Variants in NUDT21 observed in about 807,000 individuals in gnomAD.
NUDT21 encodes the protein cleavage and polyadenylation specificity factor subunit 5.
In NUDT21, 5 loss-of-function variants were observed where a neutral mutation model predicts 29.8. The ratio of observed to expected loss-of-function variants is 0.17; its 90% CI spans 0.09 to 0.35. The LOEUF (loss-of-function observed/expected upper bound fraction) is 0.35. Among genes scored for constraint, NUDT21 ranks in the 10% least tolerant of loss-of-function variants. The pLI is 1.00. For missense variants in NUDT21, 76 were observed against 276.0 expected (o/e 0.28, Z 5.13); for synonymous variants, 113 against 98.5 (o/e 1.15, Z -0.87).
rs1962042540 is a variant in NUDT21 at position 56,432,256 on chromosome 16, T to C, written c.*456A>G. On this transcript the variant is annotated 3_prime_UTR_variant, in exon 7 of 7. Coordinates refer to ENST00000300291, the MANE Select transcript of NUDT21 (RefSeq NM_007006.3). ...GGACTCACTCAGATAAATATAGTTTTCAGAAGTAATGGAAGCTCTTCATCA... is the reference window on the plus strand; with the variant it reads ...GGACTCACTCAGATAAATATAGTTTCCAGAAGTAATGGAAGCTCTTCATCA... 6.5e-6 allele frequency: 1 copy of C among 154,524 alleles called. No homozygotes were observed. The highest frequency in any genetic ancestry group is 1.9e-4 in the East Asian group (1 of 5,250). 9.6% of individuals were successfully genotyped at this position (154,524 alleles called of 1,614,324 possible). A position where few individuals can be genotyped will look rare whatever the true frequency, so the allele number is the denominator to read the frequency against.
chr16:56,433,748 C>T (rs1207743991), intron 6 of NUDT21, among the ~76,000 whole-genome samples: 10 of 152,052 alleles, frequency 6.6e-5, no homozygotes, highest in Admixed American at 1.3e-4. Flanking sequence ...AGTGCAGTAG[C>T]GTGATCTCAG....
intron 2 of NUDT21, 72 bp downstream of exon 2, chr16:56,447,717 T>G: frequency 7.3e-7 from 1 of 1,366,494 alleles, no homozygotes; most frequent in Non-Finnish European, 1.0e-6. Flanking sequence ...AGGGCTAAAA[T>G]TGTATTCCAG....
At chr16:56,446,747 AAC>A in intron 2 of NUDT21, 58 bp from the exon 3 acceptor site, 1 of 1,037,016 alleles carries the variant, frequency 9.6e-7, no homozygotes, top group Non-Finnish European at 1.5e-6. Context: ...GATAACAAAT[AAC>A]ACAATAATTG....
chr16:56,435,619 G>A (rs1262964837), intron 4 of NUDT21, among the ~76,000 whole-genome samples: 4 of 145,964 alleles, frequency 2.7e-5, no homozygotes, highest in African/African-American at 7.5e-5. Context: ...CCAGCTACTC[G>A]GGAGGCTGAG....
In NUDT21 at chr16:56,447,910, G is replaced by A; in HGVS notation, c.196C>T (p.Arg66Cys). 6.2e-7 allele frequency: 1 copy of A among 1,613,994 alleles called. No homozygotes were observed. The highest frequency in any genetic ancestry group is 8.5e-7 in the Non-Finnish European group (1 of 1,179,950). ...KDSSVAARFQ[R>C]MREEFDKIGM... ...ATTTTATCAAATTCTTCCCTCATGC[G>A]CTGAAATCTGGCTGCAACAGAGCTG... is the stretch of plus-strand genomic sequence containing the variant. The change falls in exon 2 of 7, where the codon CGC (arginine) becomes TGC (cysteine). Residue 66 changes from arginine to cysteine, a missense_variant. Physicochemically the swap from Arg to Cys is radical, Grantham distance 180. Around this residue, in one of 5 missense-constraint regions of NUDT21, gnomAD observed 27 missense variants for 149.5 expected, o/e 0.18. Transcript: ENST00000300291.
At chr16:56,447,684 G>GT in intron 2 of NUDT21, 105 bp downstream of exon 2, 1 of 924,768 alleles carries the variant, frequency 1.1e-6, no homozygotes. Context: ...ATTAACAGCA[G>GT]TGTTTGTTGA....
rs185967919 is a variant in NUDT21 at position 56,429,704 on chromosome 16, C to T, written c.*3008G>A. ...CAAATCTTATGCTACAGAAAGCTGA[C>T]TTATACTACAGTCAACAACCACTAA... On this transcript the variant is annotated 3_prime_UTR_variant, in exon 7 of 7. Coordinates refer to ENST00000300291, the MANE Select transcript of NUDT21 (RefSeq NM_007006.3). 16 of 152,316 alleles carry T rather than the reference C, an allele frequency of 1.1e-4. No homozygotes were observed. Among genetic ancestry groups the T allele is most frequent in the Admixed American group, 7.2e-4 (11 of 15,304 alleles). 9.4% of individuals were successfully genotyped at this position (152,316 alleles called of 1,614,324 possible).
At chr16:56,435,506 C>G (rs1962087046) in intron 4 of NUDT21, among the ~76,000 whole-genome samples, 2 of 150,816 alleles carry the variant, frequency 1.3e-5, no homozygotes, top group African/African-American at 4.9e-5. Context: ...GCAGGCGGAT[C>G]ATGAGGTCAG....
rs1451945970 is a variant in NUDT21 at position 56,436,023 on chromosome 16, A to G, written c.472-1194T>C. Among the ~76,000 whole-genome samples the G allele has an allele frequency of 2.7e-5, 4 of 147,768 alleles. No homozygotes were observed. In the South Asian group the frequency reaches 6.3e-4, roughly 23 times the overall value. On this transcript the variant is annotated intron_variant, in intron 4 of 6. Transcript: ENST00000300291. ...AAACAAATATAAAAATATATATATAATATATATGTATATTTTAGAGAATTT... is the reference window on the plus strand; with the variant it reads ...AAACAAATATAAAAATATATATATAGTATATATGTATATTTTAGAGAATTT...
chr16:56,438,169 A>T (rs1395781887), intron 4 of NUDT21, among the ~76,000 whole-genome samples: 1 of 152,164 alleles, frequency 6.6e-6, no homozygotes, highest in East Asian at 1.9e-4. Flanking sequence ...TTGTGTGACC[A>T]ATAGCACACA....
chr16:56,432,810 G>A, intron 6 of NUDT21, 77 bp from the exon 7 acceptor site: 3 of 1,065,110 alleles, frequency 2.8e-6, no homozygotes, highest in East Asian at 2.6e-5. Context: ...AAATTTATCT[G>A]GATGTTTCTG....
At chr16:56,445,349 G>A (rs1201626889) in intron 3 of NUDT21, among the ~76,000 whole-genome samples, 3 of 152,042 alleles carry the variant, frequency 2.0e-5, no homozygotes, top group Non-Finnish European at 4.4e-5. Flanking sequence ...TTTTGATACA[G>A]GCATGCAATG....
At chr16:56,443,789 C>T (rs779203958) in intron 3 of NUDT21, among the ~76,000 whole-genome samples, 50 of 152,332 alleles carry the variant, frequency 3.3e-4, no homozygotes, top group South Asian at 4.1e-4. Context: ...AGTGGAAGCA[C>T]CATGAAGCCC....
chr16:56,449,039 G>A (rs1962249180), intron 1 of NUDT21: 1 of 152,126 alleles, frequency 6.6e-6, no homozygotes, highest in South Asian at 2.1e-4. Context: ...AAAATTTAAA[G>A]AACATCCCCG....
At chr16:56,444,684 T>A (rs575406137) in intron 3 of NUDT21, among the ~76,000 whole-genome samples, 1 of 151,584 alleles carries the variant, frequency 6.6e-6, no homozygotes, top group Non-Finnish European at 1.5e-5. Context: ...TCCAAGAGTC[T>A]GACTATTCAG....
In NUDT21 at chr16:56,430,056, T is replaced by C. The variant is rs1356944829; in HGVS notation, c.*2656A>G. 2 of 152,204 alleles carry C rather than the reference T, an allele frequency of 1.3e-5. No individual in the cohort carries two copies. Among genetic ancestry groups the C allele is most frequent in the Non-Finnish European group, 2.9e-5 (2 of 68,028 alleles). The allele number at this position is 152,204 out of a possible 1,614,324, so 9.4% of individuals were successfully genotyped here. A position where few individuals can be genotyped will look rare whatever the true frequency, so the allele number is the denominator to read the frequency against. ...CTAATTTGGTCACACTTTGTCCAAA[T>C]ACAGTGTTAACTTAATGGAACCCTT... On this transcript the variant is annotated 3_prime_UTR_variant, in exon 7 of 7. Coordinates refer to ENST00000300291, the MANE Select transcript of NUDT21 (RefSeq NM_007006.3).
intron 4 of NUDT21, among the ~76,000 whole-genome samples, chr16:56,435,425 T>A (rs1389339462): frequency 6.6e-6 from 1 of 151,660 alleles, no homozygotes; most frequent in African/African-American, 2.4e-5. Context: ...AAAAGCTGGT[T>A]TTTTAAAAAT....
intron 3 of NUDT21, among the ~76,000 whole-genome samples, chr16:56,444,724 A>G (rs1258828326): frequency 6.6e-6 from 1 of 151,982 alleles, no homozygotes; most frequent in African/African-American, 2.4e-5. Flanking sequence ...CCCATCCCCT[A>G]AACTTTTTTC....
chr16:56,442,630 C>A (rs1383630637), intron 3 of NUDT21, among the ~76,000 whole-genome samples: 3 of 152,204 alleles, frequency 2.0e-5, no homozygotes, highest in Non-Finnish European at 4.4e-5. Flanking sequence ...GATCTTTAAA[C>A]ATTCACTATA....
Sources: gnomAD v4.1 joint callset for allele counts (sites outside exome capture counted in the v4.1 genomes callset) on GRCh38, gnomAD v4.1.1 for gene constraint, gnomAD v4.1.1 regional missense constraint, MANE v1.5 for transcripts, NCBI Gene and HGNC (gene_info 2026-07-23, HGNC 2026-07-21) for gene names.